Variants in PCSK6 observed in about 807,000 individuals in gnomAD.
PCSK6 encodes the protein proprotein convertase subtilisin/kexin type 6, also known as paired basic amino acid cleaving enzyme 4.
In PCSK6, 85 loss-of-function variants were observed where a neutral mutation model predicts 123.3. That is an observed-to-expected ratio of 0.69 (90% CI 0.58 to 0.83). The LOEUF is 0.83. PCSK6 is among the 40% of genes least tolerant of loss of function. PCSK6 has a pLI of 0.00. For synonymous variants in PCSK6, 508 were observed against 516.0 expected (o/e 0.98, Z 0.21); for missense variants, 1,191 against 1,282.3 (o/e 0.93, Z 1.09).
chr15:101,470,905 T>C (rs2141235073), intron 1 of PCSK6, among the ~76,000 whole-genome samples: 1 of 152,262 alleles, frequency 6.6e-6, no homozygotes, highest in East Asian at 1.9e-4. Context: ...CTACACAAAG[T>C]CAGCAATTCA....
intron 1 of PCSK6, among the ~76,000 whole-genome samples, chr15:101,455,807 G>A (rs1304165938): frequency 6.6e-6 from 1 of 152,250 alleles, no homozygotes; most frequent in African/African-American, 2.4e-5. Flanking sequence ...TGATGAGGCA[G>A]CTGTCATGAC....
intron 1 of PCSK6, among the ~76,000 whole-genome samples, chr15:101,454,631 GT>G (rs1203440438): frequency 6.6e-6 from 1 of 152,154 alleles, no homozygotes; most frequent in Non-Finnish European, 1.5e-5. Context: ...GGAGTGGGGA[GT>G]TGGTGTGTAA....
chr15:101,305,674 C>T lies in PCSK6; in HGVS notation c.2813-319G>A. ...AGTGAGCTGAGATCATGCCACTGCACTCCAGCCTGGGCAAGAAGAACAAAA... is the reference window on the plus strand; with the variant it reads ...AGTGAGCTGAGATCATGCCACTGCATTCCAGCCTGGGCAAGAAGAACAAAA... On this transcript the variant is annotated intron_variant, in intron 21 of 21. Transcript: ENST00000611716. This position sits in a 1 kb window ranked among gnomAD's most constrained non-coding sequence, Gnocchi z 4.8. 4.5e-6 allele frequency: 1 copy of T among 224,642 alleles called. No homozygotes were observed. The highest frequency in any genetic ancestry group is 8.9e-6 in the Non-Finnish European group (1 of 112,820). The allele number at this position is 224,642 out of a possible 1,614,324, so 13.9% of individuals were successfully genotyped here.
At chr15:101,389,661 G>C in intron 8 of PCSK6, 97 bp from the exon 9 acceptor site, 1 of 915,696 alleles carries the variant, frequency 1.1e-6, no homozygotes, top group South Asian at 1.6e-5. Flanking sequence ...TAACTGGCAA[G>C]CGTGACCCTG....
chr15:101,431,559 G>C (rs758560250), intron 3 of PCSK6, 96 bp from the exon 4 acceptor site: 1 of 1,490,732 alleles, frequency 6.7e-7, no homozygotes, highest in South Asian at 1.2e-5. Flanking sequence ...GCTTAGGCTT[G>C]CAAGTAAAAA....
chr15:101,455,951 T>C (rs1444587791), intron 1 of PCSK6, among the ~76,000 whole-genome samples: 3 of 149,406 alleles, frequency 2.0e-5, no homozygotes, highest in African/African-American at 7.3e-5. Context: ...CGGCAAGCTG[T>C]ATGCTAAGAA....
intron 13 of PCSK6, among the ~76,000 whole-genome samples, chr15:101,341,248 G>GT (rs149761692): frequency 0.26 from 34,148 of 129,536 alleles, 5,651 homozygotes; most frequent in African/African-American, 0.47. Flanking sequence ...AAAGTGTGGG[G>GT]TTTTTTTTTT....
At chr15:101,476,378 A>C (rs1431078234) in intron 1 of PCSK6, among the ~76,000 whole-genome samples, 1 of 152,232 alleles carries the variant, frequency 6.6e-6, no homozygotes, top group Non-Finnish European at 1.5e-5. Flanking sequence ...AAATCAAAGG[A>C]ACATTCACAG....
At chr15:101,458,530 GCT>G (rs1403632353) in intron 1 of PCSK6, among the ~76,000 whole-genome samples, 1 of 152,086 alleles carries the variant, frequency 6.6e-6, no homozygotes, top group Non-Finnish European at 1.5e-5. Flanking sequence ...ACTGTTGTTT[GCT>G]CACCATTTAC....
At chr15:101,329,659 C>T (rs571845931) in intron 15 of PCSK6, among the ~76,000 whole-genome samples, 11 of 152,316 alleles carry the variant, frequency 7.2e-5, no homozygotes, top group South Asian at 6.2e-4. Context: ...CCTGGAACTC[C>T]GTCTTCCAGA....
intron 1 of PCSK6, among the ~76,000 whole-genome samples, chr15:101,481,973 G>A (rs1370228091): frequency 1.3e-5 from 2 of 152,212 alleles, no homozygotes; most frequent in East Asian, 3.9e-4. Context: ...CTGGTGTGCA[G>A]CCCTTTGAGT....
intron 11 of PCSK6, among the ~76,000 whole-genome samples, chr15:101,373,126 T>A (rs2041633623): frequency 6.6e-6 from 1 of 152,104 alleles, no homozygotes; most frequent in Admixed American, 6.5e-5. Flanking sequence ...TGCATCTGAC[T>A]TTTTTATTCC....
chr15:101,406,744 G>A (rs904693930), intron 6 of PCSK6, among the ~76,000 whole-genome samples: 3 of 152,142 alleles, frequency 2.0e-5, no homozygotes, highest in African/African-American at 4.8e-5. Context: ...GCAGACCTAC[G>A]TTCGCCATCG....
At chr15:101,356,639 C>T (rs910976849) in intron 13 of PCSK6, among the ~76,000 whole-genome samples, 16 of 151,544 alleles carry the variant, frequency 1.1e-4, no homozygotes, top group African/African-American at 3.6e-4. Context: ...GAGATTGCGC[C>T]GTTGCACTCC....
rs1371646531 is a variant in PCSK6 at position 101,481,221 on chromosome 15, C to A, written c.297+8153G>T. 2.0e-5 allele frequency among the ~76,000 whole-genome samples: 3 copies of A among 151,952 alleles called. No individual in the cohort carries two copies. In the East Asian group the frequency reaches 5.8e-4, roughly 29 times the overall value. On this transcript the variant is annotated intron_variant, in intron 1 of 21. Transcript: ENST00000611716. ...GTCCAGGTGGCAGGGGGCCTGGGGG[C>A]CCAGACGAAGGGTACATCCGGCGGG...
rs76264374 is a variant in PCSK6, at chr15:101,359,026, G to T, written c.1858+7170C>A. On this transcript the variant is annotated intron_variant, in intron 13 of 21. Coordinates refer to ENST00000611716, the MANE Select transcript of PCSK6 (RefSeq NM_002570.5). ...TGGGGAGGATGCACAGAGCCTGTGG[G>T]TGACAGGAAGGCGCCCGTCCTCCCC... is the stretch of plus-strand genomic sequence containing the variant. Among the ~76,000 whole-genome samples, 493 of 152,318 alleles carry T rather than the reference G, an allele frequency of 3.2e-3. 3 individuals carry two copies. The highest frequency in any genetic ancestry group is 0.011 in the African/African-American group (464 of 41,558).
At chr15:101,467,736 T>C (rs2057498350) in intron 1 of PCSK6, among the ~76,000 whole-genome samples, 1 of 152,160 alleles carries the variant, frequency 6.6e-6, no homozygotes, top group Admixed American at 6.5e-5. Context: ...AGAAACACGA[T>C]GTTAAACTGG....
chr15:101,393,734 G>A (rs747196369), intron 7 of PCSK6, among the ~76,000 whole-genome samples: 1 of 152,220 alleles, frequency 6.6e-6, no homozygotes, highest in Non-Finnish European at 1.5e-5. Flanking sequence ...CTATTCCAGA[G>A]CCATGCCTGT....
At chr15:101,326,617 A>G in intron 15 of PCSK6, 138 bp from the exon 16 acceptor site, 1 of 775,966 alleles carries the variant, frequency 1.3e-6, no homozygotes, top group Non-Finnish European at 2.1e-6. Flanking sequence ...CTGGACGGCC[A>G]GACGACAAGG....
Sources: gnomAD v4.1 joint callset for allele counts (sites outside exome capture counted in the v4.1 genomes callset) on GRCh38, gnomAD v4.1.1 for gene constraint, Gnocchi (gnomAD v3.1) non-coding constraint, MANE v1.5 for transcripts, NCBI Gene and HGNC (gene_info 2026-07-23, HGNC 2026-07-21) for gene names.